FOXN3: variants seen among roughly 807,000 people sequenced by gnomAD.
FOXN3 encodes the protein forkhead box N3.
Under a neutral mutation model 38.4 loss-of-function variants are expected in FOXN3, and 7 were observed. That is an observed-to-expected ratio of 0.18 (90% CI 0.10 to 0.34). The LOEUF (loss-of-function observed/expected upper bound fraction) is 0.34, where lower values mean the gene tolerates loss of function less well. FOXN3 is among the 10% of genes least tolerant of loss of function. The pLI, the probability that FOXN3 is intolerant of heterozygous loss-of-function variation, is 1.00. For missense variants in FOXN3, 456 were observed against 613.4 expected (o/e 0.74, Z 2.71); for synonymous variants, 230 against 242.2 (o/e 0.95, Z 0.47).
chr14:89,288,704 CTCTCTCTCTCTCTCTCTCTCTA>C (rs1886736814), intron 3 of FOXN3, among the ~76,000 whole-genome samples: 2 of 93,866 alleles, frequency 2.1e-5, no homozygotes, highest in Admixed American at 1.2e-4. Context: ...CTCTCTCTCT[CTCTCTCTCTCTCTCTCTCTCTA>C]TATATATATA....
At chr14:89,317,757 G>A (rs562005173) in intron 3 of FOXN3, among the ~76,000 whole-genome samples, 7 of 151,934 alleles carry the variant, frequency 4.6e-5, no homozygotes, top group East Asian at 3.9e-4. Context: ...GTACCAGTTC[G>A]GGGCCTGTTA....
At chr14:89,341,795 TCTC>T (rs931540916) in intron 3 of FOXN3, among the ~76,000 whole-genome samples, 3 of 152,212 alleles carry the variant, frequency 2.0e-5, no homozygotes, top group African/African-American at 4.8e-5. Context: ...AGGATCAATT[TCTC>T]CTCCTCTGGG....
At chr14:89,421,990 C>T (rs1891923833), upstream of FOXN3, among the ~76,000 whole-genome samples, 1 of 152,178 alleles carries the variant, frequency 6.6e-6, no homozygotes, top group South Asian at 2.1e-4. Context: ...AACAATCCTC[C>T]TTCCTCAGCC....
At chr14:89,562,078 G>A (rs1037718445) in intron 1 of FOXN3, among the ~76,000 whole-genome samples, 1 of 152,064 alleles carries the variant, frequency 6.6e-6, no homozygotes, top group African/African-American at 2.4e-5. Context: ...GTACAGGTAA[G>A]TAATACCCAA....
At chr14:89,453,834 T>C (rs1351070529) in intron 1 of FOXN3, among the ~76,000 whole-genome samples, 1 of 152,188 alleles carries the variant, frequency 6.6e-6, no homozygotes, top group African/African-American at 2.4e-5. Context: ...TTAGCATTCA[T>C]TGCACAGAAA....
chr14:89,257,105 G>A (rs1257826541), intron 4 of FOXN3, among the ~76,000 whole-genome samples: 1 of 152,202 alleles, frequency 6.6e-6, no homozygotes, highest in Non-Finnish European at 1.5e-5. Flanking sequence ...GTTGCGGTGA[G>A]AGTCCCCCAG....
At chr14:89,190,985 T>TA (rs953206321) in intron 4 of FOXN3, among the ~76,000 whole-genome samples, 1 of 151,534 alleles carries the variant, frequency 6.6e-6, no homozygotes, top group Non-Finnish European at 1.5e-5. Flanking sequence ...GTGAAGGCAT[T>TA]AAAAAAAAGC....
chr14:89,180,519 A>G (rs1000539265), intron 5 of FOXN3, among the ~76,000 whole-genome samples, 182 bp downstream of exon 5: 2 of 152,186 alleles, frequency 1.3e-5, no homozygotes, highest in Admixed American at 6.5e-5. Flanking sequence ...CCCGAGAAAG[A>G]GAAGGGGGCA....
chr14:89,230,971 C>T (rs1884790073), intron 4 of FOXN3: 1 of 423,614 alleles, frequency 2.4e-6, no homozygotes, highest in Admixed American at 2.5e-5. Context: ...ACTGGAGTAG[C>T]ACATAGCCAC....
At chr14:89,197,865 A>G (rs967047306) in intron 4 of FOXN3, among the ~76,000 whole-genome samples, 2 of 152,240 alleles carry the variant, frequency 1.3e-5, no homozygotes, top group Non-Finnish European at 2.9e-5. Context: ...GAAGGATGCC[A>G]TCCAAAGAAG....
At chr14:89,236,289 G>A (rs1318333873) in intron 4 of FOXN3, among the ~76,000 whole-genome samples, 2 of 152,196 alleles carry the variant, frequency 1.3e-5, no homozygotes, top group Middle Eastern at 3.2e-3. Flanking sequence ...GCCGAGGCGG[G>A]TGGATCACGA....
At chr14:89,177,064 G>A (rs887246717) in intron 5 of FOXN3, among the ~76,000 whole-genome samples, 5 of 140,740 alleles carry the variant, frequency 3.6e-5, no homozygotes, top group African/African-American at 1.3e-4. Flanking sequence ...AGGCTGGAGT[G>A]CAATGGCACA....
intron 1 of FOXN3, among the ~76,000 whole-genome samples, chr14:89,444,645 AG>A (rs1892456881): frequency 6.6e-6 from 1 of 152,188 alleles, no homozygotes; most frequent in Non-Finnish European, 1.5e-5. Context: ...TCTCTGTATC[AG>A]GTTTCATCAG....
intron 4 of FOXN3, among the ~76,000 whole-genome samples, chr14:89,260,527 C>T (rs187393451): frequency 8.5e-5 from 13 of 152,382 alleles, no homozygotes; most frequent in African/African-American, 2.9e-4. Context: ...CTGGCACAGC[C>T]TGGGTGCAGC....
intron 2 of FOXN3, among the ~76,000 whole-genome samples, chr14:89,391,269 G>A (rs1347956352): frequency 6.6e-6 from 1 of 152,120 alleles, no homozygotes; most frequent in Admixed American, 6.5e-5. Flanking sequence ...AATAAAATAC[G>A]GTTACATTGG....
chr14:89,161,007 A>G lies in FOXN3; in HGVS notation c.*1407T>C, dbSNP rs1431360412. ...GCCTAAGGGCTTAAAAATTACAGGCATAGCCTTTTCTCTATTTTCTATATT... is the reference window on the plus strand; with the variant it reads ...GCCTAAGGGCTTAAAAATTACAGGCGTAGCCTTTTCTCTATTTTCTATATT... On this transcript the variant is annotated 3_prime_UTR_variant, in exon 6 of 6. Transcript: ENST00000557258. The G allele has an allele frequency of 6.6e-6, 1 of 152,222 alleles. No individual in the cohort carries two copies. Among genetic ancestry groups the G allele is most frequent in the Non-Finnish European group, 1.5e-5 (1 of 68,036 alleles). 9.4% of individuals were successfully genotyped at this position (152,222 alleles called of 1,614,324 possible).
Position 89,162,854 on chromosome 14 carries a change from C to T in FOXN3, c.967G>A (p.Ala323Thr), listed in dbSNP as rs750592549. 22 of 1,611,384 alleles carry T rather than the reference C, an allele frequency of 1.4e-5. No homozygotes were observed. The highest frequency in any genetic ancestry group is 7.7e-5 in the South Asian group (7 of 91,040). The change falls in exon 6 of 6, where the codon GCC becomes ACC. Residue 323 changes from alanine to threonine, a missense_variant. This residue lies in a region of FOXN3 where 386 missense variants were observed against 505.2 expected (regional missense o/e 0.76). Transcript: ENST00000557258. This position sits in a 1 kb window ranked among gnomAD's most constrained non-coding sequence, Gnocchi z 7.2. ...HNYSSAKSSNARSTSPTSDSI... is the reference protein window; with the variant it reads ...HNYSSAKSSNTRSTSPTSDSI... The stretch of plus-strand genomic sequence containing the variant: ...TCGCTGGTGGGCGAGGTGCTCCGGG[C>T]GTTGGAGGACTTGGCACTGCTGTAG...
At chr14:89,399,331 C>T (rs1412100817) in intron 2 of FOXN3, among the ~76,000 whole-genome samples, 1 of 152,162 alleles carries the variant, frequency 6.6e-6, no homozygotes, top group African/African-American at 2.4e-5. Flanking sequence ...CAAGAGCACA[C>T]AGAGGGAGCT....
At chr14:89,317,214 T>A (rs183900827) in intron 3 of FOXN3, among the ~76,000 whole-genome samples, 17 of 152,278 alleles carry the variant, frequency 1.1e-4, no homozygotes, top group African/African-American at 4.1e-4. Flanking sequence ...GTGAGGAAGC[T>A]CATAGGATGA....
Sources: gnomAD v4.1 joint callset for allele counts (sites outside exome capture counted in the v4.1 genomes callset) on GRCh38, gnomAD v4.1.1 for gene constraint, gnomAD v4.1.1 regional missense constraint, Gnocchi (gnomAD v3.1) non-coding constraint, MANE v1.5 for transcripts, NCBI Gene and HGNC (gene_info 2026-07-23, HGNC 2026-07-21) for gene names.